AKAP10: variants seen among roughly 807,000 people sequenced by gnomAD.
The protein encoded by AKAP10 is A-kinase anchoring protein 10, also known as A-kinase anchor protein 10, mitochondrial.
A neutral mutation model predicts 80.8 loss-of-function variants in AKAP10; 24 were observed. That is an observed-to-expected ratio of 0.30 (90% CI 0.22 to 0.42). The LOEUF is 0.42. Among genes scored for constraint, AKAP10 ranks in the 10% least tolerant of loss-of-function variants. The pLI, the probability that AKAP10 is intolerant of heterozygous loss-of-function variation, is 1.00. For missense variants in AKAP10, 661 were observed against 794.9 expected (o/e 0.83, Z 2.03); for synonymous variants, 291 against 277.7 (o/e 1.05, Z -0.48).
rs111317231 is a variant in AKAP10, at chr17:19,972,521, T to C, written c.89-4060A>G. Among the ~76,000 whole-genome samples, 632 of 152,316 alleles carry C rather than the reference T, an allele frequency of 4.1e-3. 6 individuals are homozygous for C. The highest frequency in any genetic ancestry group is 0.015 in the African/African-American group (609 of 41,562). The stretch of plus-strand genomic sequence containing the variant: ...CCCAGGCTGGAGTGCAGTGGCGCGA[T>C]CTCAGCTCACTGCAAGCTTCGCCTC... On this transcript the variant is annotated intron_variant, in intron 1 of 14. Coordinates refer to ENST00000225737, the MANE Select transcript of AKAP10 (RefSeq NM_007202.4).
intron 10 of AKAP10, among the ~76,000 whole-genome samples, chr17:19,926,132 G>A (rs533113044): frequency 2.0e-4 from 31 of 152,118 alleles, no homozygotes; most frequent in Non-Finnish European, 3.7e-4. Context: ...ATGACCAAGT[G>A]AGATTCATCT....
rs146758086 is a variant in AKAP10, at chr17:19,926,009, T to C, written c.1642-1492A>G. Among the ~76,000 whole-genome samples the C allele has an allele frequency of 6.8e-3, 1,035 of 152,302 alleles. 12 individuals are homozygous for C. Among genetic ancestry groups the C allele is most frequent in the African/African-American group, 0.024 (983 of 41,570 alleles). On this transcript the variant is annotated intron_variant, in intron 10 of 14. Transcript: ENST00000225737. ...ACCCACAAATACACTCTCACATTTA[T>C]GGTCAATTCATTTCTGATAGAGTGT...
chr17:19,974,087 G>A (rs904715149), intron 1 of AKAP10, among the ~76,000 whole-genome samples: 9 of 152,100 alleles, frequency 5.9e-5, no homozygotes, highest in African/African-American at 1.9e-4. Flanking sequence ...AGCTACTTGC[G>A]AGGCTGAGGC....
At chr17:19,977,545 C>G (rs1156682419) in intron 1 of AKAP10, 47 bp downstream of exon 1, 3 of 1,221,894 alleles carry the variant, frequency 2.5e-6, no homozygotes, top group African/African-American at 3.1e-5. Context: ...GCCCCACCGC[C>G]GCCCCTGAGG....
rs1444293349 is a variant in AKAP10, at chr17:19,928,643, G to A, written c.1641+3162C>T. Among the ~76,000 whole-genome samples the A allele has an allele frequency of 3.2e-4, 48 of 152,156 alleles. 2 individuals are homozygous for A. Among genetic ancestry groups the A allele is most frequent in the Non-Finnish European group, 2.9e-5 (2 of 68,032 alleles). On this transcript the variant is annotated intron_variant, in intron 10 of 14. Transcript: ENST00000225737. ...TGTAATCCCAGCACTTTGGGAGGCC[G>A]AGATGGGTGGATCACTTGAGGTCAA... is the stretch of plus-strand genomic sequence containing the variant.
intron 1 of AKAP10, among the ~76,000 whole-genome samples, chr17:19,974,000 C>T (rs1332923715): frequency 6.6e-6 from 1 of 152,148 alleles, no homozygotes; most frequent in Non-Finnish European, 1.5e-5. Context: ...GTCAGGAGTA[C>T]AAAACCAGCC....
chr17:19,934,975 G>A (rs2042976833), intron 9 of AKAP10, among the ~76,000 whole-genome samples: 1 of 152,182 alleles, frequency 6.6e-6, no homozygotes, highest in African/African-American at 2.4e-5. Context: ...CTGTGCAACT[G>A]CACTCCAGCC....
At chr17:19,954,939 A>G (rs941840641) in intron 4 of AKAP10, among the ~76,000 whole-genome samples, 6 of 151,976 alleles carry the variant, frequency 3.9e-5, no homozygotes, top group Non-Finnish European at 7.4e-5. Context: ...AAAAGTCCTG[A>G]TTGGGCACAG....
chr17:19,953,193 A>ACCC (rs2043235305), intron 4 of AKAP10, among the ~76,000 whole-genome samples: 1 of 152,110 alleles, frequency 6.6e-6, no homozygotes, highest in Admixed American at 6.6e-5. Flanking sequence ...ATTCAAGGGA[A>ACCC]ATTAGAACAT....
chr17:19,946,567 G>A (rs1441686776), intron 5 of AKAP10, among the ~76,000 whole-genome samples: 1 of 149,422 alleles, frequency 6.7e-6, no homozygotes, highest in African/African-American at 2.5e-5. Flanking sequence ...GACACAGTGA[G>A]TGTTTAATAA....
At chr17:19,960,519 T>C (rs759708292) in intron 3 of AKAP10, among the ~76,000 whole-genome samples, 2 of 152,248 alleles carry the variant, frequency 1.3e-5, no homozygotes, top group African/African-American at 4.8e-5. Context: ...GGTGGTTAAA[T>C]GTATCAACAG....
rs2042671547 is a variant in AKAP10 at position 19,909,983 on chromosome 17, TAA to T, written c.1835-7_1835-6del. ...TAGCTTGTGAGAACATGGATCCTAG[TAA>T]ACAAAGACAAAATTGAATGTACATT... On this transcript the variant is annotated splice_region_variant and splice_polypyrimidine_tract_variant and intron_variant, in intron 12 of 14. Coordinates refer to ENST00000225737, the MANE Select transcript of AKAP10 (RefSeq NM_007202.4). The T allele has an allele frequency of 6.2e-7, 1 of 1,613,196 alleles. No individual in the cohort carries two copies. Among genetic ancestry groups the T allele is most frequent in the African/African-American group, 1.3e-5 (1 of 74,870 alleles).
intron 12 of AKAP10, among the ~76,000 whole-genome samples, chr17:19,915,204 A>G (rs1270315791): frequency 6.6e-6 from 1 of 152,252 alleles, no homozygotes. Flanking sequence ...CATATACAAC[A>G]CATGATGTGT....
intron 14 of AKAP10, among the ~76,000 whole-genome samples, chr17:19,906,630 C>G (rs1055246175): frequency 6.6e-6 from 1 of 152,188 alleles, no homozygotes; most frequent in African/African-American, 2.4e-5. Flanking sequence ...CTCCTGTAGT[C>G]ACAGCACTGC....
rs976362291 is a variant in AKAP10 at position 19,906,179 on chromosome 17, A to T, written c.*48T>A. On this transcript the variant is annotated 3_prime_UTR_variant, in exon 15 of 15. Transcript: ENST00000225737. ...TTGAAGAATCCAACCAAGGGAAAAAAGTTCTCTTATTTTTCACAAGCAGAT... is the reference window on the plus strand; with the variant it reads ...TTGAAGAATCCAACCAAGGGAAAAATGTTCTCTTATTTTTCACAAGCAGAT... 7 of 1,582,928 alleles carry T rather than the reference A, an allele frequency of 4.4e-6. No homozygotes were observed. Among genetic ancestry groups the T allele is most frequent in the Non-Finnish European group, 5.2e-6 (6 of 1,154,900 alleles).
intron 4 of AKAP10, among the ~76,000 whole-genome samples, chr17:19,949,575 TC>T (rs2043175254): frequency 6.6e-6 from 1 of 151,712 alleles, no homozygotes; most frequent in Non-Finnish European, 1.5e-5. Flanking sequence ...ATCGAGACCA[TC>T]CTGGCCAACA....
chr17:19,933,971 G>T (rs903774015), intron 9 of AKAP10, among the ~76,000 whole-genome samples: 5 of 151,970 alleles, frequency 3.3e-5, no homozygotes, highest in Non-Finnish European at 7.4e-5. Flanking sequence ...GCCCAGGCTG[G>T]AGTGCAATGG....
intron 3 of AKAP10, among the ~76,000 whole-genome samples, chr17:19,960,224 T>G (rs538642457): frequency 3.9e-5 from 6 of 152,360 alleles, no homozygotes; most frequent in African/African-American, 1.4e-4. Flanking sequence ...CAGTTTTATC[T>G]ATACTCATTC....
chr17:19,943,406 C>A (rs1389548149), intron 5 of AKAP10, among the ~76,000 whole-genome samples: 2 of 152,110 alleles, frequency 1.3e-5, no homozygotes, highest in Non-Finnish European at 2.9e-5. Context: ...TCACCAATAG[C>A]CAATGATCAA....
Sources: gnomAD v4.1 joint callset for allele counts (sites outside exome capture counted in the v4.1 genomes callset) on GRCh38, gnomAD v4.1.1 for gene constraint, MANE v1.5 for transcripts, NCBI Gene and HGNC (gene_info 2026-07-23, HGNC 2026-07-21) for gene names.